Variants in NRXN1 observed in about 807,000 individuals in gnomAD.
The protein encoded by NRXN1 is neurexin 1.
A neutral mutation model predicts 150.9 loss-of-function variants in NRXN1; 39 were observed. That is an observed-to-expected ratio of 0.26 (90% CI 0.20 to 0.34). NRXN1 has a LOEUF of 0.34. Among genes scored for constraint, NRXN1 ranks in the 10% least tolerant of loss-of-function variants. The pLI, the probability that NRXN1 is intolerant of heterozygous loss-of-function variation, is 1.00. For synonymous variants in NRXN1, 924 were observed against 757.0 expected (o/e 1.22, Z -3.62); for missense variants, 1,815 against 1,949.9 (o/e 0.93, Z 1.30).
intron 18 of NRXN1, among the ~76,000 whole-genome samples, chr2:50,096,169 A>G (rs1408866092): frequency 2.0e-5 from 3 of 152,108 alleles, no homozygotes; most frequent in Non-Finnish European, 2.9e-5. Context: ...TAATTCAGAC[A>G]TTATCTACTT....
chr2:50,099,220 G>A (rs1700685460), intron 18 of NRXN1, among the ~76,000 whole-genome samples: 1 of 151,890 alleles, frequency 6.6e-6, no homozygotes. Context: ...GTTTTTATAT[G>A]CCCATTTCAA....
intron 2 of NRXN1, among the ~76,000 whole-genome samples, chr2:50,960,153 A>G (rs1463096921): frequency 6.6e-6 from 1 of 152,056 alleles, no homozygotes; most frequent in Non-Finnish European, 1.5e-5. Context: ...ATGAAAAAAT[A>G]AACATTAAAG....
At chr2:50,410,260 TG>T (rs1457200708) in intron 17 of NRXN1, among the ~76,000 whole-genome samples, 10 of 152,242 alleles carry the variant, frequency 6.6e-5, no homozygotes, top group African/African-American at 2.4e-4. Context: ...TTTCAAGGTC[TG>T]GCTGGAATTT....
chr2:49,965,176 G>A (rs890428868), intron 21 of NRXN1, among the ~76,000 whole-genome samples: 20 of 148,586 alleles, frequency 1.3e-4, no homozygotes, highest in East Asian at 2.1e-4. Context: ...CACTATGTCC[G>A]GTTTCAAAGT....
intron 17 of NRXN1, among the ~76,000 whole-genome samples, chr2:50,296,400 A>T (rs537317449): frequency 9.9e-5 from 15 of 152,274 alleles, no homozygotes; most frequent in African/African-American, 3.6e-4. Flanking sequence ...ATACGAGTGC[A>T]GATTTGTTAA....
chr2:50,297,954 T>C (rs1037458895), intron 17 of NRXN1, among the ~76,000 whole-genome samples: 11 of 152,192 alleles, frequency 7.2e-5, no homozygotes, highest in African/African-American at 2.4e-4. Context: ...AGGGATCAAA[T>C]AGTCCAATGT....
chr2:50,119,552 G>T (rs1467013613), intron 18 of NRXN1, among the ~76,000 whole-genome samples: 2 of 141,080 alleles, frequency 1.4e-5, no homozygotes, highest in Non-Finnish European at 3.1e-5. Flanking sequence ...TGAAAGAAAA[G>T]GTTCATTAAA....
Position 50,098,830 on chromosome 2 carries a change from GTTTTTTTTTTT to G in NRXN1, c.3547-7347_3547-7337del, listed in dbSNP as rs746736925. On this transcript the variant is annotated intron_variant, in intron 18 of 22. Coordinates refer to ENST00000401669, the MANE Select transcript of NRXN1 (RefSeq NM_001330078.2). Reference sequence around the variant, plus strand: ...GTGCATGGTTTTGTTTTTGGTTTTAGTTTTTTTTTTTTTTTTTTTTTTTTTTTTTTTTTTTT... The same window carrying G: ...GTGCATGGTTTTGTTTTTGGTTTTAGTTTTTTTTTTTTTTTTTTTTTTTTT... 6.8e-4 allele frequency among the ~76,000 whole-genome samples: 72 copies of G among 105,552 alleles called. 2 individuals carry two copies. The highest frequency in any genetic ancestry group is 2.5e-3 in the African/African-American group (71 of 28,698). 69.2% of individuals were successfully genotyped at this position (105,552 alleles called of 152,430 possible). A position where few individuals can be genotyped will look rare whatever the true frequency, so the allele number is the denominator to read the frequency against.
At position 50,620,084 on chromosome 2, in the gene NRXN1, G is replaced by T; in HGVS notation, c.1258C>A (p.Pro420Thr). The change falls in exon 8 of 23, where the codon CCC (proline) becomes ACC (threonine). Residue 420 changes from proline (P) to threonine (T), a missense_variant. By Grantham distance (38) the Pro-to-Thr change is conservative (BLOSUM62 -1). Coordinates refer to ENST00000401669, the MANE Select transcript of NRXN1 (RefSeq NM_001330078.2). ...SDDFFYVGGS[P>T]STADLPGSPV... Reference sequence around the variant, plus strand: ...GACCCTGGAAGGTCGGCTGTGCTGGGACTGCCTCCAACATAGAAAAAGTCA... The same window carrying T: ...GACCCTGGAAGGTCGGCTGTGCTGGTACTGCCTCCAACATAGAAAAAGTCA... 6.2e-7 allele frequency: 1 copy of T among 1,613,254 alleles called. No homozygotes were observed. The highest frequency in any genetic ancestry group is 8.5e-7 in the Non-Finnish European group (1 of 1,179,562).
intron 18 of NRXN1, among the ~76,000 whole-genome samples, chr2:50,206,258 CACACA>C (rs1315481346): frequency 1.4e-5 from 2 of 146,348 alleles, no homozygotes; most frequent in Non-Finnish European, 3.0e-5. Context: ...CACACACACA[CACACA>C]ACAATTTTTT....
At chr2:51,016,726 C>T (rs1668718950) in intron 2 of NRXN1, among the ~76,000 whole-genome samples, 2 of 152,078 alleles carry the variant, frequency 1.3e-5, no homozygotes, top group South Asian at 4.2e-4. Context: ...AACAGAGGTA[C>T]CATTTGACCC....
intron 19 of NRXN1, among the ~76,000 whole-genome samples, chr2:50,061,862 A>G (rs1694589594): frequency 1.3e-5 from 2 of 152,084 alleles, no homozygotes; most frequent in Admixed American, 6.5e-5. Flanking sequence ...TGCCGAAGTA[A>G]TTTTCAAGCA....
intron 18 of NRXN1, among the ~76,000 whole-genome samples, chr2:50,143,206 TAAA>T (rs1707519934): frequency 1.3e-5 from 2 of 150,236 alleles, no homozygotes; most frequent in African/African-American, 2.4e-5. Context: ...AATGAGGAAA[TAAA>T]GAAGAAAAAT....
intron 19 of NRXN1, among the ~76,000 whole-genome samples, chr2:50,060,374 A>G (rs555584012): frequency 6.6e-6 from 1 of 152,106 alleles, no homozygotes; most frequent in African/African-American, 2.4e-5. Context: ...CTGCACCCCC[A>G]CGGAATCTAG....
chr2:50,880,579 T>C (rs1679288363), intron 5 of NRXN1, among the ~76,000 whole-genome samples: 1 of 151,976 alleles, frequency 6.6e-6, no homozygotes, highest in Non-Finnish European at 1.5e-5. Context: ...CATTTAATTG[T>C]CATTATGGTT....
intron 8 of NRXN1, among the ~76,000 whole-genome samples, chr2:50,585,737 C>T (rs1358063923): frequency 1.3e-5 from 2 of 152,166 alleles, no homozygotes; most frequent in Non-Finnish European, 2.9e-5. Context: ...TCCCTAGTCA[C>T]TATTTTTAAT....
chr2:50,827,074 A>G (rs1054443442), intron 5 of NRXN1, among the ~76,000 whole-genome samples: 1 of 152,206 alleles, frequency 6.6e-6, no homozygotes, highest in Admixed American at 6.5e-5. Flanking sequence ...CAACTTTGTG[A>G]CTTGCTACCG....
chr2:50,663,236 T>C (rs914663862), intron 5 of NRXN1, among the ~76,000 whole-genome samples: 1 of 152,078 alleles, frequency 6.6e-6, no homozygotes, highest in Admixed American at 6.6e-5. Context: ...AAAGAAATTA[T>C]TTTCTCTAGA....
At chr2:50,793,228 A>G (rs1237451032) in intron 5 of NRXN1, among the ~76,000 whole-genome samples, 1 of 152,142 alleles carries the variant, frequency 6.6e-6, no homozygotes, top group Non-Finnish European at 1.5e-5. Context: ...GTTAGATGAA[A>G]GCCCATCATA....
Sources: allele counts gnomAD v4.1 joint callset (sites outside exome capture counted in the v4.1 genomes callset), GRCh38; gene constraint gnomAD v4.1.1; transcripts MANE v1.5; gene names NCBI Gene and HGNC (gene_info 2026-07-23, HGNC 2026-07-21).